Variants in PHC2 observed in about 807,000 individuals in gnomAD.
PHC2 encodes polyhomeotic-like protein 2.
Under a neutral mutation model 87.4 loss-of-function variants are expected in PHC2, and 29 were observed. That is an observed-to-expected ratio of 0.33 (90% confidence interval 0.25 to 0.45). PHC2 has a LOEUF of 0.45. PHC2 is among the 20% of genes least tolerant of loss of function. PHC2 has a pLI of 1.00. For missense variants in PHC2, 857 were observed against 1,136.7 expected (o/e 0.75, Z 3.54); for synonymous variants, 438 against 461.7 (o/e 0.95, Z 0.66).
Position 33,355,204 on chromosome 1 carries a change from CT to C in PHC2, c.1025del (p.Lys342SerfsTer8). 1 of 1,602,598 alleles carries C rather than the reference CT, an allele frequency of 6.2e-7. No individual in the cohort carries two copies. The highest frequency in any genetic ancestry group is 8.5e-7 in the Non-Finnish European group (1 of 1,173,988). On this transcript the variant is annotated frameshift_variant, in exon 8 of 15. Coordinates refer to ENST00000683057, the MANE Select transcript of PHC2 (RefSeq NM_001385109.1). LOFTEE classifies it high-confidence loss of function. ...PHQLLPQPSS[K>X]HLQPQFVIQQ... ...GGATCACAAATTGGGGCTGCAGGTG[CT>C]TTGAGGATGGCTGTGGGAGGAGCTG...
chr1:33,371,195 C>G (rs7545416), intron 3 of PHC2, 101 bp from the exon 4 acceptor site: 654,087 of 955,800 alleles, frequency 0.68, 226,770 homozygotes, highest in African/African-American at 0.86. Context: ...GTGTTAAGGA[C>G]AACAGCCTCT....
At position 33,335,317 on chromosome 1, in the gene PHC2, T is replaced by C. The variant is rs563260488; in HGVS notation, c.1559-1025A>G. On this transcript the variant is annotated intron_variant, in intron 9 of 14. Transcript: ENST00000683057. ...TTCCCAGGGCTGTTCTCTACCACCA[T>C]CAACTGCCCCGTGAGCTGAGGCTGC... 10 of 985,374 alleles carry C rather than the reference T, an allele frequency of 1.0e-5. No individual in the cohort carries two copies. In the South Asian group the frequency reaches 4.7e-4, roughly 46 times the overall value. 61.0% of individuals were successfully genotyped at this position (985,374 alleles called of 1,614,324 possible).
chr1:33,330,036 T>G, intron 13 of PHC2, 35 bp downstream of exon 13: 1 of 1,608,420 alleles, frequency 6.2e-7, no homozygotes, highest in South Asian at 1.1e-5. Flanking sequence ...GTGGGGACTG[T>G]GGGGATGGAG....
rs1477827818 is a variant in PHC2, at chr1:33,369,526, C to G, written c.576+895G>C. ...CGAGGAGATGGAAGTCTATTTCATG[C>G]CTTGTGTCTAAGAGGCTGTTCCCTG... is the stretch of plus-strand genomic sequence containing the variant. On this transcript the variant is annotated intron_variant, in intron 5 of 14. Transcript: ENST00000683057. This position sits in a 1 kb window ranked among gnomAD's most constrained non-coding sequence, Gnocchi z 4.7. 6.6e-6 allele frequency among the ~76,000 whole-genome samples: 1 copy of G among 152,158 alleles called. No individual in the cohort carries two copies. Among genetic ancestry groups the G allele is most frequent in the African/African-American group, 2.4e-5 (1 of 41,424 alleles).
At chr1:33,422,708 G>A (rs1650478915) in intron 1 of PHC2, among the ~76,000 whole-genome samples, 3 of 152,028 alleles carry the variant, frequency 2.0e-5, no homozygotes, top group Admixed American at 1.3e-4. Flanking sequence ...ATTTCAAAAT[G>A]CCCTAAAAGC....
At chr1:33,426,476 TAC>T (rs1650676220) in intron 1 of PHC2, among the ~76,000 whole-genome samples, 1 of 152,214 alleles carries the variant, frequency 6.6e-6, no homozygotes, top group Non-Finnish European at 1.5e-5. Context: ...CAAATGGGTA[TAC>T]CTGACTACAA....
intron 1 of PHC2, among the ~76,000 whole-genome samples, chr1:33,384,601 CCCCTTGCCCAGA>C (rs1648650123): frequency 6.6e-6 from 1 of 152,204 alleles, no homozygotes; most frequent in African/African-American, 2.4e-5. Context: ...TGCTGTCTCA[CCCCTTGCCCAGA>C]CCTTTCCCTC....
chr1:33,384,668 C>T (rs188019783), intron 1 of PHC2, among the ~76,000 whole-genome samples: 30 of 152,298 alleles, frequency 2.0e-4, no homozygotes, highest in East Asian at 5.8e-4. Flanking sequence ...TCTCCCTGGC[C>T]GGAGCGCATT....
intron 1 of PHC2, among the ~76,000 whole-genome samples, chr1:33,401,501 T>C (rs7514553): frequency 0.48 from 73,123 of 151,984 alleles, 18,967 homozygotes; most frequent in South Asian, 0.62. Flanking sequence ...ATTCTTGACC[T>C]CTAACTGTTA....
intron 3 of PHC2, among the ~76,000 whole-genome samples, chr1:33,371,782 G>T (rs1314374430): frequency 1.3e-5 from 2 of 152,168 alleles, no homozygotes; most frequent in African/African-American, 2.4e-5. Context: ...TGGCTATTCT[G>T]GTTCCTGTTT....
intron 1 of PHC2, among the ~76,000 whole-genome samples, chr1:33,410,953 G>T (rs1385395750): frequency 1.3e-5 from 2 of 152,020 alleles, no homozygotes. Context: ...TAACTATGGG[G>T]GTCCTTGTTT....
chr1:33,407,830 G>T (rs1649824673), intron 1 of PHC2, among the ~76,000 whole-genome samples: 1 of 152,072 alleles, frequency 6.6e-6, no homozygotes, highest in Admixed American at 6.5e-5. Flanking sequence ...TAAAAAAATG[G>T]TACAATCAAT....
intron 1 of PHC2, among the ~76,000 whole-genome samples, chr1:33,390,570 A>G (rs115898575): frequency 9.5e-4 from 145 of 152,252 alleles, no homozygotes; most frequent in African/African-American, 3.4e-3. Flanking sequence ...AACAATTACT[A>G]TATGTTTGGT....
intron 7 of PHC2, among the ~76,000 whole-genome samples, chr1:33,358,673 G>A (rs1647138767): frequency 6.6e-6 from 1 of 152,126 alleles, no homozygotes; most frequent in Non-Finnish European, 1.5e-5. Context: ...TTTGTCTACG[G>A]TTGTCTAAAG....
chr1:33,419,642 C>T (rs1650349816), intron 1 of PHC2, among the ~76,000 whole-genome samples: 1 of 152,076 alleles, frequency 6.6e-6, no homozygotes. Context: ...CGGAGTCTCG[C>T]TCTGTTGCCC....
In PHC2 at chr1:33,393,463, GT is replaced by G. The variant is rs36030279; in HGVS notation, c.-54-17871del. Among the ~76,000 whole-genome samples, 322 of 131,018 alleles carry G rather than the reference GT, an allele frequency of 2.5e-3. 1 individual carries two copies. Among genetic ancestry groups the G allele is most frequent in the South Asian group, 3.4e-3 (13 of 3,876 alleles). The allele number at this position is 131,018 out of a possible 152,430, so 86.0% of individuals were successfully genotyped here. ...ATCACTTATAAGACCTTTTCAAGAG[GT>G]TTTTTTTTTTTTTTTTTTCTTCCAA... is the stretch of plus-strand genomic sequence containing the variant. On this transcript the variant is annotated intron_variant, in intron 1 of 14. Coordinates refer to ENST00000683057, the MANE Select transcript of PHC2 (RefSeq NM_001385109.1).
rs1307813004 is a variant in PHC2, at chr1:33,367,381, G to GGCT, written c.708_710dup (p.Ala237dup). ...CAGGCTGAGTGGGGGTGGGGCCCGA[G>GGCT]GCTGCTGCCGCTGGTGTCTGCTGTG... On this transcript the variant is annotated inframe_insertion, in exon 7 of 15. Transcript: ENST00000683057. The GGCT allele has an allele frequency of 6.2e-7, 1 of 1,603,392 alleles. No individual in the cohort carries two copies. The highest frequency in any genetic ancestry group is 8.5e-7 in the Non-Finnish European group (1 of 1,172,836).
chr1:33,324,773 C>A lies in PHC2; in HGVS notation c.*92G>T, dbSNP rs1014937711. The stretch of plus-strand genomic sequence containing the variant: ...CTAGGGAGAGCCCCTGCCCTCCAAC[C>A]GGCCCCATTTCTGGGCCCCTCAGGA... On this transcript the variant is annotated 3_prime_UTR_variant, in exon 15 of 15. Transcript: ENST00000683057. 7.1e-7 allele frequency: 1 copy of A among 1,402,306 alleles called. No homozygotes were observed. The highest frequency in any genetic ancestry group is 1.5e-5 in the South Asian group (1 of 68,198). 86.9% of individuals were successfully genotyped at this position (1,402,306 alleles called of 1,614,324 possible).
intron 1 of PHC2, among the ~76,000 whole-genome samples, chr1:33,386,214 C>G (rs929174726): frequency 6.6e-6 from 1 of 151,730 alleles, no homozygotes; most frequent in South Asian, 2.1e-4. Flanking sequence ...ACGAAAAAGA[C>G]TGCTATAAAA....
Sources: gnomAD v4.1 joint callset for allele counts (sites outside exome capture counted in the v4.1 genomes callset) on GRCh38, gnomAD v4.1.1 for gene constraint, Gnocchi (gnomAD v3.1) non-coding constraint, MANE v1.5 for transcripts, NCBI Gene and HGNC (gene_info 2026-07-23, HGNC 2026-07-21) for gene names.